Variants in MEMO1 observed in about 807,000 individuals in gnomAD.
The protein encoded by MEMO1 is protein MEMO1.
In MEMO1, 6 loss-of-function variants were observed where a neutral mutation model predicts 45.2. That is an observed-to-expected ratio of 0.13 (90% CI 0.07 to 0.26). The LOEUF is 0.26. MEMO1 is among the 10% of genes least tolerant of loss of function. The pLI is 1.00. For synonymous variants in MEMO1, 78 were observed against 124.3 expected (o/e 0.63, Z 2.48); for missense variants, 184 against 370.5 (o/e 0.50, Z 4.13).
At chr2:31,997,615 T>A (rs1672761602) in intron 2 of MEMO1, among the ~76,000 whole-genome samples, 1 of 152,054 alleles carries the variant, frequency 6.6e-6, no homozygotes, top group African/African-American at 2.4e-5. Context: ...TCTGAAAAAG[T>A]CCTAAAGCAG....
chr2:31,979,378 G>C (rs905180172), intron 2 of MEMO1, among the ~76,000 whole-genome samples: 2 of 152,190 alleles, frequency 1.3e-5, no homozygotes, highest in African/African-American at 2.4e-5. Context: ...AACATTTAAT[G>C]CAAGAGCTAT....
chr2:31,949,923 ATAAAAAT>A (rs1331248777), intron 2 of MEMO1, among the ~76,000 whole-genome samples: 2 of 152,156 alleles, frequency 1.3e-5, no homozygotes, highest in South Asian at 2.1e-4. Context: ...CCCGCAAAAA[ATAAAAAT>A]TAAAAATTAA....
At chr2:31,939,036 A>G (rs1184665288) in intron 3 of MEMO1, among the ~76,000 whole-genome samples, 1 of 151,740 alleles carries the variant, frequency 6.6e-6, no homozygotes, top group East Asian at 1.9e-4. Flanking sequence ...TTCCCACCTC[A>G]GGCTCCGAAA....
At chr2:31,950,281 T>C (rs755704155) in intron 2 of MEMO1, among the ~76,000 whole-genome samples, 5 of 151,144 alleles carry the variant, frequency 3.3e-5, no homozygotes, top group Non-Finnish European at 7.4e-5. Flanking sequence ...CTCAGGAGGC[T>C]GAGGCAGGAG....
chr2:31,982,340 C>T (rs1308662118), intron 2 of MEMO1, among the ~76,000 whole-genome samples: 1 of 151,146 alleles, frequency 6.6e-6, no homozygotes, highest in Non-Finnish European at 1.5e-5. Flanking sequence ...GCCTGTAATC[C>T]CAGCACTTTG....
chr2:31,881,793 A>G (rs1675421074), intron 8 of MEMO1, among the ~76,000 whole-genome samples: 2 of 152,078 alleles, frequency 1.3e-5, no homozygotes, highest in Admixed American at 6.6e-5. Context: ...CTTGAAGCCA[A>G]GTGTTCAAAA....
chr2:31,898,694 T>C (rs994170307), intron 6 of MEMO1, among the ~76,000 whole-genome samples: 9 of 152,198 alleles, frequency 5.9e-5, no homozygotes, highest in Non-Finnish European at 1.0e-4. Context: ...TTCTGTTGAT[T>C]TGGGGTAGAG....
intron 4 of MEMO1, among the ~76,000 whole-genome samples, chr2:31,925,569 C>T (rs756421950): frequency 6.6e-6 from 1 of 151,588 alleles, no homozygotes. Context: ...TTAAGGTCTA[C>T]CACAATAGTT....
intron 3 of MEMO1, among the ~76,000 whole-genome samples, chr2:31,938,536 T>C (rs1665206322): frequency 6.6e-6 from 1 of 151,708 alleles, no homozygotes; most frequent in African/African-American, 2.4e-5. Context: ...TAGTCCCAGC[T>C]ACTCGGGAGG....
chr2:31,958,630 G>A (rs537599588), intron 2 of MEMO1, among the ~76,000 whole-genome samples: 10 of 152,146 alleles, frequency 6.6e-5, no homozygotes, highest in Admixed American at 4.6e-4. Context: ...CAAACTGTGT[G>A]TGGTGTTTTG....
intron 2 of MEMO1, among the ~76,000 whole-genome samples, chr2:31,956,064 G>A (rs953343521): frequency 6.6e-6 from 1 of 152,184 alleles, no homozygotes; most frequent in African/African-American, 2.4e-5. Flanking sequence ...ACCACCTCAA[G>A]TGACACAAAT....
At chr2:31,907,119 A>C (rs894311584) in intron 6 of MEMO1, among the ~76,000 whole-genome samples, 3 of 152,094 alleles carry the variant, frequency 2.0e-5, no homozygotes, top group Non-Finnish European at 2.9e-5. Flanking sequence ...CCTTATGCCT[A>C]ATCCCATGAA....
chr2:31,951,318 G>C (rs1666818390), intron 2 of MEMO1, among the ~76,000 whole-genome samples: 1 of 152,116 alleles, frequency 6.6e-6, no homozygotes, highest in Admixed American at 6.6e-5. Flanking sequence ...ATGAAAAAGT[G>C]TGGGAAAACA....
In MEMO1 at chr2:31,983,028, C is replaced by T. The variant is rs149359017; in HGVS notation, c.61+27159G>A. On this transcript the variant is annotated intron_variant, in intron 2 of 9. Coordinates refer to ENST00000404530, the MANE Select transcript of MEMO1 (RefSeq NM_001301833.4). ...CCGAGGTGGGTGGATCACTTGATGC[C>T]AGGAGTTCAAGACCAGCCTCGCCAG... Among the ~76,000 whole-genome samples the T allele has an allele frequency of 8.2e-3, 1,244 of 151,760 alleles. 18 individuals are homozygous for T. The highest frequency in any genetic ancestry group is 0.012 in the Non-Finnish European group (836 of 67,956).
chr2:31,927,481 A>AT (rs770517784), intron 4 of MEMO1, among the ~76,000 whole-genome samples: 10 of 152,172 alleles, frequency 6.6e-5, no homozygotes, highest in Admixed American at 1.3e-4. Flanking sequence ...TTCTAACTAC[A>AT]TATCTGTGTG....
At chr2:31,963,559 T>C (rs949323733) in intron 2 of MEMO1, among the ~76,000 whole-genome samples, 3 of 152,214 alleles carry the variant, frequency 2.0e-5, no homozygotes, top group Non-Finnish European at 2.9e-5. Flanking sequence ...GTAGGGTTTT[T>C]TGGCAGGTGA....
At position 31,920,805 on chromosome 2, in the gene MEMO1, G is replaced by A. The variant is rs1161707303; in HGVS notation, c.318C>T (p.Asp106=). ...YRTPLYDLRI[D]QKIYGELWKT... is the part of the protein sequence containing the mutation. ...ATATTTCTATATACTTACTCTTTTGGTCAATACGAAGGTCATACAGAGGTG... is the reference window on the plus strand; with the variant it reads ...ATATTTCTATATACTTACTCTTTTGATCAATACGAAGGTCATACAGAGGTG... The change falls in exon 5 of 10, where the codon GAC becomes GAT. Residue 106 remains aspartate (D), a synonymous_variant. Transcript: ENST00000404530. 1.3e-6 allele frequency: 2 copies of A among 1,559,092 alleles called. No individual in the cohort carries two copies. The highest frequency in any genetic ancestry group is 1.7e-6 in the Non-Finnish European group (2 of 1,149,964).
chr2:31,917,583 T>C (rs779611615), intron 6 of MEMO1, among the ~76,000 whole-genome samples: 3 of 152,182 alleles, frequency 2.0e-5, no homozygotes, highest in African/African-American at 7.2e-5. Context: ...CGATTAATTA[T>C]AGCATTGTAC....
chr2:31,932,432 G>T (rs1343563684), intron 3 of MEMO1, among the ~76,000 whole-genome samples: 1 of 150,876 alleles, frequency 6.6e-6, no homozygotes, highest in Admixed American at 6.6e-5. Context: ...ATTGAGGTTG[G>T]TTTTTGTTGT....
Sources: gnomAD v4.1 joint callset for allele counts (sites outside exome capture counted in the v4.1 genomes callset) on GRCh38, gnomAD v4.1.1 for gene constraint, MANE v1.5 for transcripts, NCBI Gene and HGNC (gene_info 2026-07-23, HGNC 2026-07-21) for gene names.